Variants in DNAH17 observed in about 807,000 individuals in gnomAD.
The protein encoded by DNAH17 is axonemal beta dynein heavy chain 17.
In DNAH17, 376 loss-of-function variants were observed where a neutral mutation model predicts 485.6. That is an observed-to-expected ratio of 0.77 (90% CI 0.71 to 0.84). The LOEUF (loss-of-function observed/expected upper bound fraction) is 0.84. Among genes scored for constraint, DNAH17 ranks in the 40% least tolerant of loss-of-function variants. The pLI is 0.00. For missense variants in DNAH17, 6,370 were observed against 5,839.3 expected (o/e 1.09, Z -2.96); for synonymous variants, 3,031 against 2,405.9 (o/e 1.26, Z -7.60).
chr17:78,485,524 G>A lies in DNAH17; in HGVS notation c.7483+26C>T, dbSNP rs1436940930. 1.9e-6 allele frequency: 3 copies of A among 1,545,752 alleles called. No individual in the cohort carries two copies. In the South Asian group the frequency reaches 3.6e-5, roughly 19 times the overall value. On this transcript the variant is annotated intron_variant, in intron 47 of 80. Coordinates refer to ENST00000389840, the MANE Select transcript of DNAH17 (RefSeq NM_173628.4). ...GGACTGGCGGGGGGCAGCCGGGTAG[G>A]CAGGGCGTGGCCGGACCAGCCTCAC... is the stretch of plus-strand genomic sequence containing the variant.
intron 54 of DNAH17, among the ~76,000 whole-genome samples, chr17:78,472,289 G>GGTTAGGGAGTGGGGGTGCGAGGGTTAGA (rs2088793571): frequency 4.1e-5 from 6 of 145,824 alleles, no homozygotes; most frequent in Non-Finnish European, 8.8e-5. Context: ...CGAGGGTTAG[G>GGTTAGGGAGTGGGGGTGCGAGGGTTAGA]GTTAGGGAGT....
intron 72 of DNAH17, 131 bp from the exon 73 acceptor site, chr17:78,439,348 A>T (rs2086979270): frequency 9.9e-6 from 11 of 1,116,054 alleles, no homozygotes; most frequent in Non-Finnish European, 1.4e-5. Context: ...CATGACATAA[A>T]ACTTGCTGTT....
Position 78,537,500 on chromosome 17 carries a change from T to C in DNAH17, c.2677-19A>G, listed in dbSNP as rs1216056913. ...TACTCTCCTGAAAGAGGGGTGGGGT[T>C]GGCAGTGGTCAACACCTCTGTCCTC... is the stretch of plus-strand genomic sequence containing the variant. On this transcript the variant is annotated intron_variant, in intron 18 of 80. Transcript: ENST00000389840. The C allele has an allele frequency of 5.0e-6, 8 of 1,612,048 alleles. No individual in the cohort carries two copies. The highest frequency in any genetic ancestry group is 6.8e-6 in the Non-Finnish European group (8 of 1,179,366).
Position 78,459,691 on chromosome 17 carries a change from A to G in DNAH17, c.9653+93T>C, listed in dbSNP as rs574201649. The G allele has an allele frequency of 1.4e-4, 202 of 1,410,272 alleles. No homozygotes were observed. The African/African-American group carries it at 2.2e-3, about 16-fold the overall frequency. The allele number at this position is 1,410,272 out of a possible 1,614,324, so 87.4% of individuals were successfully genotyped here. ...CCTAGATTTTGAGCCACAGGCCCCAAGAGCCTGAGGCCATGCTTCACCTCA... is the reference window on the plus strand; with the variant it reads ...CCTAGATTTTGAGCCACAGGCCCCAGGAGCCTGAGGCCATGCTTCACCTCA... On this transcript the variant is annotated intron_variant, in intron 60 of 80. Coordinates refer to ENST00000389840, the MANE Select transcript of DNAH17 (RefSeq NM_173628.4).
At position 78,486,325 on chromosome 17, in the gene DNAH17, T is replaced by A; in HGVS notation, c.7000A>T (p.Thr2334Ser). 6.2e-7 allele frequency: 1 copy of A among 1,613,692 alleles called. No homozygotes were observed. ...GAGTCGGGGGGCACGGTCTTCTCCG[T>A]GAGCAGGCACTCCAGCAGGTACAGA... ...TILYLLECLLTEKTVPPDSPR... is the reference protein window; with the variant it reads ...TILYLLECLLSEKTVPPDSPR... The change falls in exon 45 of 81, where the codon ACG becomes TCG. Residue 2334 changes from threonine to serine, a missense_variant. Thr to Ser is a moderately conservative substitution (Grantham distance 58, BLOSUM62 1). Transcript: ENST00000389840.
At position 78,437,667 on chromosome 17, in the gene DNAH17, G is replaced by GAA. The variant is rs2086894219; in HGVS notation, c.12006_12007insTT (p.His4003PhefsTer163). 1 of 1,610,864 alleles carries GAA rather than the reference G, an allele frequency of 6.2e-7. No homozygotes were observed. Reference sequence around the variant, plus strand: ...TGGGTGAACAGGTCCAGGGCCTTGTGCAAGTTGGCGTGCATGCCCGTGGGG... The same window carrying GAA: ...TGGGTGAACAGGTCCAGGGCCTTGTGAACAAGTTGGCGTGCATGCCCGTGGGG... On this transcript the variant is annotated frameshift_variant, in exon 74 of 81. Coordinates refer to ENST00000389840, the MANE Select transcript of DNAH17 (RefSeq NM_173628.4). LOFTEE classifies it high-confidence loss of function.
intron 22 of DNAH17, among the ~76,000 whole-genome samples, chr17:78,527,713 A>G (rs1050404376): frequency 2.0e-5 from 3 of 152,230 alleles, no homozygotes; most frequent in African/African-American, 7.2e-5. Context: ...TGCAACAATC[A>G]GATGAATTTT....
At chr17:78,509,656 G>A (rs981915805) in intron 27 of DNAH17, among the ~76,000 whole-genome samples, 4 of 152,138 alleles carry the variant, frequency 2.6e-5, no homozygotes, top group East Asian at 1.9e-4. Context: ...AGCCAGTGGC[G>A]CATTAACAAG....
At chr17:78,526,833 C>T in intron 23 of DNAH17, 47 bp downstream of exon 23, 1 of 1,557,096 alleles carries the variant, frequency 6.4e-7, no homozygotes, top group Non-Finnish European at 8.7e-7. Flanking sequence ...TGGGTGAGCC[C>T]CACGCTGCTC....
At position 78,428,447 on chromosome 17, in the gene DNAH17, C is replaced by T. The variant is rs754112781; in HGVS notation, c.12588+78G>A. ...TCACCAGCAAGTTCCCCTGTACTGC[C>T]GCCAGTCCCTGTGACCCCCTCCTCA... On this transcript the variant is annotated intron_variant, in intron 77 of 80. Coordinates refer to ENST00000389840, the MANE Select transcript of DNAH17 (RefSeq NM_173628.4). The T allele has an allele frequency of 4.8e-5, 73 of 1,515,478 alleles. 1 individual carries two copies. The South Asian group carries it at 5.2e-4, about 11-fold the overall frequency. The allele number at this position is 1,515,478 out of a possible 1,614,324, so 93.9% of individuals were successfully genotyped here.
intron 25 of DNAH17, among the ~76,000 whole-genome samples, chr17:78,521,245 A>C (rs1568191054): frequency 6.6e-6 from 1 of 152,110 alleles, no homozygotes; most frequent in Non-Finnish European, 1.5e-5. Flanking sequence ...ATCTCTACTG[A>C]AAATACAAAA....
chr17:78,471,179 A>G (rs2088732702), intron 54 of DNAH17, among the ~76,000 whole-genome samples: 1 of 152,232 alleles, frequency 6.6e-6, no homozygotes, highest in South Asian at 2.1e-4. Context: ...ATCCTTCGGA[A>G]GCAAGTCCGA....
intron 13 of DNAH17, among the ~76,000 whole-genome samples, chr17:78,559,245 T>G (rs1476801691): frequency 2.0e-5 from 3 of 152,220 alleles, no homozygotes; most frequent in Non-Finnish European, 2.9e-5. Context: ...TCTCGTGACT[T>G]CCAGCCTTCT....
intron 14 of DNAH17, among the ~76,000 whole-genome samples, chr17:78,554,473 G>GAAAAAAAAAAAA (rs1568246690): frequency 8.0e-6 from 1 of 124,752 alleles, no homozygotes; most frequent in African/African-American, 3.0e-5. Context: ...AAAAAAAAAG[G>GAAAAAAAAAAAA]ATAGGTTCTA....
chr17:78,526,042 ACTGGGCCCCAAGAGGCCCCC>A (rs1002389708), intron 24 of DNAH17, among the ~76,000 whole-genome samples: 6 of 152,218 alleles, frequency 3.9e-5, no homozygotes, highest in Admixed American at 1.3e-4. Flanking sequence ...CAAGGGCCCC[ACTGGGCCCCAAGAGGCCCCC>A]CTGGGCCCTG....
rs538298703 is a variant in DNAH17, at chr17:78,444,736, C to T, written c.11396G>A (p.Arg3799His). The T allele has an allele frequency of 4.7e-5, 75 of 1,604,512 alleles. 1 individual carries two copies. In the South Asian group the frequency reaches 5.2e-4, roughly 11 times the overall value. ...LDSDIEGSAK[R>H]WKKLVESEAP... ...TTCCGACTCCACCAGCTTTTTCCAG[C>T]GCTTGGCAGATCCTTCGATGTCACT... The change falls in exon 71 of 81, where the codon CGC becomes CAC. Residue 3799 changes from arginine (R) to histidine (H), a missense_variant. Transcript: ENST00000389840.
In DNAH17 at chr17:78,462,831, C is replaced by T. The variant is rs925626395; in HGVS notation, c.9174+13G>A. ...AACGGCACAGGAGCTGGCAGCCAGC[C>T]CCCCTCTCCTACCTGGGAAGCCGTG... On this transcript the variant is annotated intron_variant, in intron 57 of 80. Transcript: ENST00000389840. 1.2e-6 allele frequency: 2 copies of T among 1,613,476 alleles called. No homozygotes were observed. Among genetic ancestry groups the T allele is most frequent in the Admixed American group, 1.7e-5 (1 of 59,988 alleles).
chr17:78,485,722 G>A lies in DNAH17; in HGVS notation c.7311C>T (p.Ile2437=). ...CCATGAGCAGGTCCATGAAGTAGCG[G>A]ATGCGGATGGTTTCCGTGGTGTGGA... The part of the protein sequence containing the change: ...SLVHTTETIR[I]RYFMDLLMEK... The change falls in exon 47 of 81, where the codon ATC becomes ATT. Residue 2437 remains isoleucine (I), a synonymous_variant. Transcript: ENST00000389840. 2.5e-6 allele frequency: 4 copies of A among 1,613,996 alleles called. No homozygotes were observed. Among genetic ancestry groups the A allele is most frequent in the Non-Finnish European group, 3.4e-6 (4 of 1,179,900 alleles).
At chr17:78,428,841 C>T in intron 76 of DNAH17, 134 bp from the exon 77 acceptor site, 1 of 1,169,980 alleles carries the variant, frequency 8.5e-7, no homozygotes, top group Non-Finnish European at 1.2e-6. Context: ...GTTTCCCAGC[C>T]CCCTTTGTGG....
Sources: allele counts gnomAD v4.1 joint callset (sites outside exome capture counted in the v4.1 genomes callset), GRCh38; gene constraint gnomAD v4.1.1; transcripts MANE v1.5; gene names NCBI Gene and HGNC (gene_info 2026-07-23, HGNC 2026-07-21).